RER1: variants seen among roughly 807,000 people sequenced by gnomAD.
The protein encoded by RER1 is protein RER1.
Under a neutral mutation model 28.3 loss-of-function variants are expected in RER1, and 6 were observed. The ratio of observed to expected loss-of-function variants is 0.21; its 90% CI spans 0.12 to 0.42. The LOEUF is 0.42. Among genes scored for constraint, RER1 ranks in the 10% least tolerant of loss-of-function variants. The pLI is 1.00. For synonymous variants in RER1, 110 were observed against 95.9 expected (o/e 1.15, Z -0.86); for missense variants, 159 against 252.9 (o/e 0.63, Z 2.52).
At position 2,395,782 on chromosome 1, in the gene RER1, A is replaced by G. The variant is rs1279972146; in HGVS notation, c.-7-2A>G. The G allele has an allele frequency of 1.9e-6, 3 of 1,608,284 alleles. No homozygotes were observed. In the South Asian group the frequency reaches 3.3e-5, roughly 18 times the overall value. The stretch of plus-strand genomic sequence containing the variant: ...GAAAAGTATTTTGTGTTTTTCTCCC[A>G]GTTACAGAATGTCTGAAGGGGACAG... On this transcript the variant is annotated splice_acceptor_variant, in intron 1 of 6. Transcript: ENST00000605895. LOFTEE classifies it low-confidence loss of function (5UTR_SPLICE).
In RER1 at chr1:2,405,395, T is replaced by C. The variant is rs897205763; in HGVS notation, c.*2271T>C. The C allele has an allele frequency of 5.1e-6, 2 of 389,776 alleles. No homozygotes were observed. The highest frequency in any genetic ancestry group is 4.2e-5 in the African/African-American group (2 of 48,074). 24.1% of individuals were successfully genotyped at this position (389,776 alleles called of 1,614,324 possible). A position where few individuals can be genotyped will look rare whatever the true frequency, so the allele number is the denominator to read the frequency against. On this transcript the variant is annotated 3_prime_UTR_variant, in exon 7 of 7. Coordinates refer to ENST00000605895, the MANE Select transcript of RER1 (RefSeq NM_007033.5). ...TGCCTTAACACAAGCCTGATGGGGC[T>C]GTTTTCTCACAATATAAACGAATAA...
chr1:2,396,674 C>T (rs1047250224), intron 2 of RER1, among the ~76,000 whole-genome samples: 5 of 152,216 alleles, frequency 3.3e-5, no homozygotes, highest in African/African-American at 9.7e-5. Flanking sequence ...TGCTGGGGCT[C>T]AGGCTGTGGC....
At chr1:2,394,237 G>GAGCAGCCTGCTCAA (rs1256141471) in intron 1 of RER1, 8 of 152,148 alleles carry the variant, frequency 5.3e-5, no homozygotes, top group African/African-American at 1.7e-4. Context: ...AGGGCCCCTC[G>GAGCAGCCTGCTCAA]GTCTCCTTGA....
At chr1:2,400,385 T>C (rs1176041291) in intron 4 of RER1, among the ~76,000 whole-genome samples, 29 of 152,168 alleles carry the variant, frequency 1.9e-4, no homozygotes, top group Non-Finnish European at 4.4e-5. Flanking sequence ...TAGGCCTCAG[T>C]TTTCCCATCT....
intron 1 of RER1, 146 bp from the exon 2 acceptor site, chr1:2,395,637 GA>G: frequency 3.0e-6 from 2 of 659,574 alleles, no homozygotes; most frequent in East Asian, 5.5e-5. Flanking sequence ...ACTTTTTCCC[GA>G]ACAATTCATG....
chr1:2,398,981 G>C (rs1405296205), intron 3 of RER1, among the ~76,000 whole-genome samples: 1 of 152,204 alleles, frequency 6.6e-6, no homozygotes, highest in Non-Finnish European at 1.5e-5. Context: ...ACAGTTGAGA[G>C]TCTGTCTTCT....
At chr1:2,393,173 G>A (rs1214047110) in intron 1 of RER1, 2 of 125,094 alleles carry the variant, frequency 1.6e-5, no homozygotes, top group Admixed American at 8.4e-5. Flanking sequence ...TGCTTGGACT[G>A]GTTTTATCTC....
Position 2,391,977 on chromosome 1 carries a change from T to A in RER1, c.-8+19T>A, listed in dbSNP as rs1311646191. 2 of 157,460 alleles carry A rather than the reference T, an allele frequency of 1.3e-5. No homozygotes were observed. The highest frequency in any genetic ancestry group is 2.8e-5 in the Non-Finnish European group (2 of 71,974). The allele number at this position is 157,460 out of a possible 1,614,324, so 9.8% of individuals were successfully genotyped here. ...CTGCGAGGTGCCAGGAAGGGCTGCG[T>A]GGCGCGGGAACGGCCGGGCAGCGCC... is the stretch of plus-strand genomic sequence containing the variant. On this transcript the variant is annotated intron_variant, in intron 1 of 6. Coordinates refer to ENST00000605895, the MANE Select transcript of RER1 (RefSeq NM_007033.5).
At chr1:2,402,822 G>T (rs72642191) in intron 6 of RER1, among the ~76,000 whole-genome samples, 13,595 of 152,246 alleles carry the variant, frequency 0.089, 795 homozygotes, top group Middle Eastern at 0.24. Flanking sequence ...GGAGGCTCAC[G>T]AAGCACTGGG....
At chr1:2,401,127 G>A (rs952546300) in intron 5 of RER1, among the ~76,000 whole-genome samples, 192 bp downstream of exon 5, 3 of 152,024 alleles carry the variant, frequency 2.0e-5, no homozygotes, top group African/African-American at 7.2e-5. Flanking sequence ...GTCAGCACCA[G>A]TGCCCTGGAG....
chr1:2,392,714 C>T (rs1454286524), intron 1 of RER1, among the ~76,000 whole-genome samples: 1 of 152,198 alleles, frequency 6.6e-6, no homozygotes, highest in Non-Finnish European at 1.5e-5. Context: ...GCAGTTATCC[C>T]CGTAAGTGGA....
chr1:2,402,473 C>A, intron 6 of RER1, 131 bp downstream of exon 6: 1 of 1,208,420 alleles, frequency 8.3e-7, no homozygotes, highest in Non-Finnish European at 1.2e-6. Context: ...CTAAGTGGCA[C>A]CGTCTTGTGT....
In RER1 at chr1:2,404,430, A is replaced by G. The variant is rs1164705687; in HGVS notation, c.*1306A>G. The stretch of plus-strand genomic sequence containing the variant: ...GTTTTCTTAATAAGCGCTCAGGCCT[A>G]AGGTGTGACAGGAAGTCGCACGCGC... On this transcript the variant is annotated 3_prime_UTR_variant, in exon 7 of 7. Transcript: ENST00000605895. 6.6e-6 allele frequency: 1 copy of G among 152,264 alleles called. No homozygotes were observed. Among genetic ancestry groups the G allele is most frequent in the African/African-American group, 2.4e-5 (1 of 41,452 alleles). 9.4% of individuals were successfully genotyped at this position (152,264 alleles called of 1,614,324 possible).
chr1:2,394,492 T>C (rs1642738857), intron 1 of RER1: 1 of 152,270 alleles, frequency 6.6e-6, no homozygotes, highest in Non-Finnish European at 1.5e-5. Context: ...AGGTGCAGGT[T>C]CTGGCTCCTG....
intron 3 of RER1, among the ~76,000 whole-genome samples, chr1:2,399,154 T>G (rs2100403026): frequency 6.6e-6 from 1 of 152,332 alleles, no homozygotes. Flanking sequence ...ATCACATGTG[T>G]CTAACTGGAC....
chr1:2,400,506 C>T (rs1047478292), intron 4 of RER1, among the ~76,000 whole-genome samples: 1 of 152,246 alleles, frequency 6.6e-6, no homozygotes, highest in Non-Finnish European at 1.5e-5. Flanking sequence ...AGCGCATCCT[C>T]GGCCCCGCCC....
chr1:2,395,929 G>C, intron 2 of RER1, 58 bp downstream of exon 2: 2 of 1,297,420 alleles, frequency 1.5e-6, no homozygotes, highest in African/African-American at 1.5e-5. Flanking sequence ...GGGACTCCCA[G>C]CATTTTCGGG....
Position 2,395,795 on chromosome 1 carries a change from C to T in RER1, c.5C>T (p.Ser2Phe), listed in dbSNP as rs1213771276. M[S>F]EGDSVGESVH... ...TGTTTTTCTCCCAGTTACAGAATGT[C>T]TGAAGGGGACAGTGTGGGAGAATCC... The change falls in exon 2 of 7, where the codon TCT (serine) becomes TTT (phenylalanine). Residue 2 changes from serine (S) to phenylalanine (F), a missense_variant. By Grantham distance (155) the Ser-to-Phe change is radical (BLOSUM62 -2). Coordinates refer to ENST00000605895, the MANE Select transcript of RER1 (RefSeq NM_007033.5). 6.2e-7 allele frequency: 1 copy of T among 1,612,856 alleles called. No individual in the cohort carries two copies. The highest frequency in any genetic ancestry group is 1.3e-5 in the African/African-American group (1 of 75,022).
intron 4 of RER1, among the ~76,000 whole-genome samples, chr1:2,400,625 T>C (rs1642832229): frequency 6.6e-6 from 1 of 152,258 alleles, no homozygotes; most frequent in Non-Finnish European, 1.5e-5. Flanking sequence ...GAATTCTTCG[T>C]GCATTGAAAA....
Sources: gnomAD v4.1 joint callset for allele counts (sites outside exome capture counted in the v4.1 genomes callset) on GRCh38, gnomAD v4.1.1 for gene constraint, MANE v1.5 for transcripts, NCBI Gene and HGNC (gene_info 2026-07-23, HGNC 2026-07-21) for gene names.